The following HEMK2 variants were observed in gnomAD, a reference collection of about 807,000 sequenced individuals.
HEMK2 encodes methyltransferase HEMK2.
chr21:28,818,977 T>C, the HEMK2 span, among the ~76,000 whole-genome samples: 1 of 152,210 alleles, frequency 6.6e-6, no homozygotes, highest in Non-Finnish European at 1.5e-5. Flanking sequence ...CTATATTTGC[T>C]GTTTTGTTTT....
At chr21:28,641,692 T>C in the HEMK2 span, among the ~76,000 whole-genome samples, 1 of 152,230 alleles carries the variant, frequency 6.6e-6, no homozygotes, top group Non-Finnish European at 1.5e-5. Context: ...AGAGATTTAT[T>C]TCACTTAGAA....
chr21:28,639,242 G>T, the HEMK2 span, among the ~76,000 whole-genome samples: 17 of 152,198 alleles, frequency 1.1e-4, no homozygotes, highest in Non-Finnish European at 2.4e-4. Context: ...TTGACCAAAA[G>T]AAAGATAGAA....
At chr21:28,718,134 T>C in the HEMK2 span, among the ~76,000 whole-genome samples, 2 of 152,344 alleles carry the variant, frequency 1.3e-5, no homozygotes, top group East Asian at 3.9e-4. Context: ...TGTTTTCATT[T>C]ATTTCAAAAA....
the HEMK2 span, among the ~76,000 whole-genome samples, chr21:28,614,181 T>C: frequency 4.3e-3 from 651 of 152,320 alleles, 3 homozygotes; most frequent in Non-Finnish European, 7.2e-3. Flanking sequence ...TGGTAGGTAA[T>C]TGAGTGAGAA....
At chr21:28,597,438 A>G in the HEMK2 span, among the ~76,000 whole-genome samples, 1 of 152,242 alleles carries the variant, frequency 6.6e-6, no homozygotes. Context: ...TATTCAGTAG[A>G]CAAGGAGTAA....
chr21:28,587,786 G>T, the HEMK2 span, among the ~76,000 whole-genome samples: 1 of 152,174 alleles, frequency 6.6e-6, no homozygotes, highest in African/African-American at 2.4e-5. Context: ...TGAATGTTCA[G>T]AAACTCTTCT....
At chr21:28,691,427 A>G in the HEMK2 span, among the ~76,000 whole-genome samples, 84,582 of 152,042 alleles carry the variant, frequency 0.56, 26,200 homozygotes, top group East Asian at 0.84. Context: ...TTAAAAGCCC[A>G]AATTGTTCCA....
the HEMK2 span, chr21:28,872,646 T>C: frequency 0.47 from 71,949 of 152,104 alleles, 19,881 homozygotes; most frequent in Non-Finnish European, 0.62. Context: ...CCATGATCTG[T>C]CATCTATAAG....
the HEMK2 span, among the ~76,000 whole-genome samples, chr21:28,879,076 G>GT: frequency 8.8e-6 from 1 of 113,922 alleles, no homozygotes; most frequent in African/African-American, 3.3e-5. Context: ...ATTGTAGATT[G>GT]TTTCTTTTTT....
chr21:28,682,877 G>A, the HEMK2 span, among the ~76,000 whole-genome samples: 5 of 152,102 alleles, frequency 3.3e-5, no homozygotes, highest in Admixed American at 3.3e-4. Context: ...ACAGGAAGGG[G>A]AACATCACAC....
the HEMK2 span, among the ~76,000 whole-genome samples, chr21:28,578,943 G>C: frequency 2.0e-5 from 3 of 152,172 alleles, no homozygotes; most frequent in Admixed American, 2.0e-4. Context: ...TTCAGATATG[G>C]AATTAAATGT....
At chr21:28,830,973 T>G in the HEMK2 span, among the ~76,000 whole-genome samples, 9 of 152,216 alleles carry the variant, frequency 5.9e-5, no homozygotes, top group African/African-American at 1.9e-4. Flanking sequence ...TGTAGAAAAT[T>G]TTTTAAAATA....
the HEMK2 span, among the ~76,000 whole-genome samples, chr21:28,869,389 T>G: frequency 1.5e-4 from 23 of 151,116 alleles, no homozygotes; most frequent in African/African-American, 5.6e-4. Context: ...TCTTTTTTCC[T>G]CTATGTGAAT....
the HEMK2 span, among the ~76,000 whole-genome samples, chr21:28,621,482 C>T: frequency 1.3e-5 from 2 of 152,094 alleles, no homozygotes; most frequent in Admixed American, 6.5e-5. Flanking sequence ...TTCACGCGTC[C>T]GTGTGAAGAG....
At chr21:28,681,343 A>G in the HEMK2 span, among the ~76,000 whole-genome samples, 1 of 152,170 alleles carries the variant, frequency 6.6e-6, no homozygotes, top group South Asian at 2.1e-4. Flanking sequence ...CCAATTTACA[A>G]GGGATGTGAA....
At chr21:28,657,299 G>T in the HEMK2 span, among the ~76,000 whole-genome samples, 260 of 152,068 alleles carry the variant, frequency 1.7e-3, 3 homozygotes, top group Middle Eastern at 0.014. Context: ...GAAGGTCAAA[G>T]AACTGAATTA....
At chr21:28,860,565 T>A in the HEMK2 span, among the ~76,000 whole-genome samples, 1 of 151,894 alleles carries the variant, frequency 6.6e-6, no homozygotes, top group Non-Finnish European at 1.5e-5. Flanking sequence ...TTTTAAAAAA[T>A]TATGAACTCA....
chr21:28,866,155 C>T, the HEMK2 span, among the ~76,000 whole-genome samples: 1 of 78,878 alleles, frequency 1.3e-5, no homozygotes. Context: ...ACAGAAAAAA[C>T]AAAAACAAAC....
At chr21:28,778,197 T>A in the HEMK2 span, among the ~76,000 whole-genome samples, 2 of 152,232 alleles carry the variant, frequency 1.3e-5, no homozygotes, top group African/African-American at 4.8e-5. Flanking sequence ...CAAAATGTTA[T>A]ATAAGTGGGA....
Sources: gnomAD v4.1 joint callset for allele counts (sites outside exome capture counted in the v4.1 genomes callset) on GRCh38, gnomAD v4.1.1 for gene constraint, MANE v1.5 for transcripts, NCBI Gene and HGNC (gene_info 2026-07-23, HGNC 2026-07-21) for gene names.